The following TNNI3K variants were observed in gnomAD, a reference collection of about 807,000 sequenced individuals.
TNNI3K encodes TNNI3 interacting kinase.
TNNI3K carries 140 observed loss-of-function variants against 114.5 expected under a neutral mutation model. The ratio of observed to expected loss-of-function variants is 1.22; its 90% CI spans 1.07 to 1.41. TNNI3K has a LOEUF of 1.41. TNNI3K is among the 40% of genes most tolerant of loss of function. TNNI3K has a pLI of 0.00. For synonymous variants in TNNI3K, 347 were observed against 347.5 expected (o/e 1.00, Z 0.02); for missense variants, 1,125 against 1,007.6 (o/e 1.12, Z -1.58).
chr1:74,266,052 T>C (rs516753), intron 4 of TNNI3K, among the ~76,000 whole-genome samples: 151,731 of 152,128 alleles, frequency 1, 75,669 homozygotes, highest in Non-Finnish European at 1. Context: ...AAACTTGGTC[T>C]TCTAATGCAA....
intron 21 of TNNI3K, chr1:74,480,179 G>A (rs1168757484): frequency 2.1e-5 from 15 of 717,228 alleles, no homozygotes; most frequent in Non-Finnish European, 3.6e-5. Flanking sequence ...AGTCAGCAGG[G>A]CCACATCTGG....
intron 20 of TNNI3K, among the ~76,000 whole-genome samples, chr1:74,459,151 A>G (rs1667346247): frequency 6.6e-6 from 1 of 152,238 alleles, no homozygotes; most frequent in Non-Finnish European, 1.5e-5. Flanking sequence ...ATAGAATACT[A>G]TATGGCCATA....
rs1158598409 is a variant in TNNI3K, at chr1:74,451,683, TTTTCTTTCTTTC to T, written c.2012-11702_2012-11691del. On this transcript the variant is annotated intron_variant, in intron 20 of 24. Coordinates refer to ENST00000326637, the MANE Select transcript of TNNI3K (RefSeq NM_015978.3). ...TTTTCTTTTCTTTTCTTTTCTTTTC[TTTTCTTTCTTTC>T]TTTCTTTCTTTCTTTCTTTCTTTCT... is the stretch of plus-strand genomic sequence containing the variant. Among the ~76,000 whole-genome samples, 517 of 75,918 alleles carry T rather than the reference TTTTCTTTCTTTC, an allele frequency of 6.8e-3. 6 individuals are homozygous for T. Among genetic ancestry groups the T allele is most frequent in the South Asian group, 0.012 (23 of 1,866 alleles). The allele number at this position is 75,918 out of a possible 152,430, so 49.8% of individuals were successfully genotyped here.
Position 74,391,957 on chromosome 1 carries a change from A to ATTTTTTTTTTTT in TNNI3K, c.1772+21580_1772+21591dup, listed in dbSNP as rs34656417. The stretch of plus-strand genomic sequence containing the variant: ...TTGATTTAGGATGGTACAGCTTATT[A>ATTTTTTTTTTTT]TTTTTTTTTTTTTTTTTTTTTTTTT... On this transcript the variant is annotated intron_variant, in intron 17 of 24. Coordinates refer to ENST00000326637, the MANE Select transcript of TNNI3K (RefSeq NM_015978.3). 1.1e-3 allele frequency among the ~76,000 whole-genome samples: 101 copies of ATTTTTTTTTTTT among 93,028 alleles called. 8 individuals carry two copies. The highest frequency in any genetic ancestry group is 3.5e-3 in the African/African-American group (89 of 25,688). The allele number at this position is 93,028 out of a possible 152,430, so 61.0% of individuals were successfully genotyped here.
chr1:74,405,679 A>G (rs1328286495), intron 17 of TNNI3K, among the ~76,000 whole-genome samples: 1 of 152,194 alleles, frequency 6.6e-6, no homozygotes, highest in Non-Finnish European at 1.5e-5. Context: ...AGATGGGGGA[A>G]AAAATGAGGA....
intron 5 of TNNI3K, among the ~76,000 whole-genome samples, chr1:74,293,386 G>A (rs948061648): frequency 5.3e-5 from 8 of 151,680 alleles, no homozygotes; most frequent in Middle Eastern, 6.8e-3. Context: ...TGACATCCAA[G>A]CATATGAATG....
chr1:74,439,456 G>T (rs773423677), intron 19 of TNNI3K, 34 bp from the exon 20 acceptor site: 1 of 1,601,460 alleles, frequency 6.2e-7, no homozygotes, highest in Admixed American at 1.7e-5. Context: ...CCAAACACTT[G>T]GTAAATGGCT....
intron 17 of TNNI3K, among the ~76,000 whole-genome samples, chr1:74,394,322 T>C (rs1342336310): frequency 6.6e-6 from 1 of 152,220 alleles, no homozygotes; most frequent in Non-Finnish European, 1.5e-5. Flanking sequence ...TGTTGAATTT[T>C]TAGAGTCTGT....
chr1:74,345,663 G>A (rs886839225), intron 9 of TNNI3K, among the ~76,000 whole-genome samples: 1 of 152,136 alleles, frequency 6.6e-6, no homozygotes, highest in Non-Finnish European at 1.5e-5. Flanking sequence ...GCTTTGCCCA[G>A]TGCTAGTTCT....
chr1:74,235,548 C>T, intron 1 of TNNI3K, 57 bp downstream of exon 1: 1 of 928,310 alleles, frequency 1.1e-6, no homozygotes, highest in Non-Finnish European at 1.7e-6. Context: ...ATTATAGTTA[C>T]TGATAACTAA....
At chr1:74,492,343 A>G (rs936729030) in intron 23 of TNNI3K, 77 bp downstream of exon 23, 27 of 1,383,440 alleles carry the variant, frequency 2.0e-5, no homozygotes, top group Admixed American at 2.3e-5. Context: ...TGATTTGATT[A>G]CTATTAACAG....
At position 74,336,231 on chromosome 1, in the gene TNNI3K, A is replaced by G. The variant is rs374866799; in HGVS notation, c.682+82A>G. The G allele has an allele frequency of 8.8e-6, 13 of 1,482,114 alleles. No homozygotes were observed. In the African/African-American group the frequency reaches 1.2e-4, roughly 13 times the overall value. The allele number at this position is 1,482,114 out of a possible 1,614,324, so 91.8% of individuals were successfully genotyped here. A position where few individuals can be genotyped will look rare whatever the true frequency, so the allele number is the denominator to read the frequency against. Reference sequence around the variant, plus strand: ...CTTGTACTTCTCTTACTAGAGAATAATCTTGAAGTTGACTAATCCTGTAGT... The same window carrying G: ...CTTGTACTTCTCTTACTAGAGAATAGTCTTGAAGTTGACTAATCCTGTAGT... On this transcript the variant is annotated intron_variant, in intron 7 of 24. Coordinates refer to ENST00000326637, the MANE Select transcript of TNNI3K (RefSeq NM_015978.3).
At chr1:74,343,538 CCAA>C (rs1660855274) in intron 9 of TNNI3K, among the ~76,000 whole-genome samples, 1 of 152,208 alleles carries the variant, frequency 6.6e-6, no homozygotes, top group South Asian at 2.1e-4. Flanking sequence ...TAATCCTCCT[CCAA>C]CAAGAATCTC....
intron 4 of TNNI3K, among the ~76,000 whole-genome samples, chr1:74,251,424 TTTA>T (rs1654922895): frequency 6.6e-6 from 1 of 152,146 alleles, no homozygotes; most frequent in Non-Finnish European, 1.5e-5. Flanking sequence ...CTACTTTGTA[TTTA>T]TTATGAGCTA....
At chr1:74,278,475 C>G (rs902751943) in intron 5 of TNNI3K, among the ~76,000 whole-genome samples, 3 of 152,126 alleles carry the variant, frequency 2.0e-5, no homozygotes, top group African/African-American at 7.2e-5. Flanking sequence ...CATGCCATAT[C>G]TGCAGATCTG....
intron 20 of TNNI3K, 142 bp from the exon 21 acceptor site, chr1:74,463,299 G>A (rs1214170732): frequency 3.8e-6 from 3 of 792,616 alleles, no homozygotes; most frequent in Non-Finnish European, 6.2e-6. Context: ...ACCATTGGGG[G>A]AAAAAAGCCT....
At chr1:74,251,153 C>T (rs768673474) in intron 4 of TNNI3K, among the ~76,000 whole-genome samples, 26 of 152,130 alleles carry the variant, frequency 1.7e-4, no homozygotes, top group Admixed American at 2.0e-4. Context: ...TATTTAAAGA[C>T]AAAAGAAGCA....
intron 6 of TNNI3K, 89 bp downstream of exon 6, chr1:74,331,637 T>A: frequency 8.7e-7 from 1 of 1,143,340 alleles, no homozygotes; most frequent in Non-Finnish European, 1.2e-6. Flanking sequence ...AGTTTATATT[T>A]AAAATATATT....
Position 74,367,816 on chromosome 1 carries a change from G to A in TNNI3K, c.1265-92G>A, listed in dbSNP as rs45538533. On this transcript the variant is annotated intron_variant, in intron 12 of 24. Coordinates refer to ENST00000326637, the MANE Select transcript of TNNI3K (RefSeq NM_015978.3). ...GGGCCTGAAGCGATAGTTTTACTTC[G>A]TTTCGTCACCTGCTTATTTTTATAA... The A allele has an allele frequency of 4.0e-4, 503 of 1,254,226 alleles. 1 individual carries two copies. In the African/African-American group the frequency reaches 5.9e-3, roughly 15 times the overall value. The allele number at this position is 1,254,226 out of a possible 1,614,324, so 77.7% of individuals were successfully genotyped here. A position where few individuals can be genotyped will look rare whatever the true frequency, so the allele number is the denominator to read the frequency against.
Sources: gnomAD v4.1 joint callset for allele counts (sites outside exome capture counted in the v4.1 genomes callset) on GRCh38, gnomAD v4.1.1 for gene constraint, MANE v1.5 for transcripts, NCBI Gene and HGNC (gene_info 2026-07-23, HGNC 2026-07-21) for gene names.